The following SLC12A2 variants were observed in gnomAD, a reference collection of about 807,000 sequenced individuals.
SLC12A2 encodes the protein Na-K-2Cl cotransporter 1.
Under a neutral mutation model 136.3 loss-of-function variants are expected in SLC12A2, and 67 were observed. The observed-to-expected ratio is 0.49, with a 90% CI of 0.40 to 0.60. SLC12A2 has a LOEUF of 0.60. Ranked by LOEUF, SLC12A2 falls within the 20% of genes least tolerant of loss-of-function variation. SLC12A2 has a pLI of 0.00. For synonymous variants in SLC12A2, 619 were observed against 562.9 expected (o/e 1.10, Z -1.41); for missense variants, 1,322 against 1,534.7 (o/e 0.86, Z 2.32).
Position 128,161,687 on chromosome 5 carries a change from A to C in SLC12A2, c.2503A>C (p.Met835Leu), listed in dbSNP as rs1176724816. 1 of 1,471,032 alleles carries C rather than the reference A, an allele frequency of 6.8e-7. No homozygotes were observed. 91.1% of individuals were successfully genotyped at this position (1,471,032 alleles called of 1,614,324 possible). The change falls in exon 17 of 27, where the codon ATG becomes CTG. Residue 835 changes from methionine to leucine, a missense_variant. Around this residue, in one of 8 missense-constraint regions of SLC12A2, gnomAD observed 294 missense variants for 436.6 expected, o/e 0.67. Coordinates refer to ENST00000262461, the MANE Select transcript of SLC12A2 (RefSeq NM_001046.3). ...TCCTCGAAGACAAGCCATGAAAGAG[A>C]TGTCCATCGATCAAGCCAAATATCA... is the stretch of plus-strand genomic sequence containing the variant. ...MGPRRQAMKE[M>L]SIDQAKYQRW...
At chr5:128,140,570 G>A (rs747151781) in intron 9 of SLC12A2, among the ~76,000 whole-genome samples, 5 of 152,098 alleles carry the variant, frequency 3.3e-5, no homozygotes, top group Non-Finnish European at 7.4e-5. Flanking sequence ...TGGCCCTCAT[G>A]CTCATTTCAT....
At chr5:128,130,282 T>C (rs746458695) in intron 4 of SLC12A2, among the ~76,000 whole-genome samples, 4 of 151,792 alleles carry the variant, frequency 2.6e-5, no homozygotes, top group African/African-American at 4.8e-5. Context: ...TGTGTAATCC[T>C]AGCGCTTTGG....
chr5:128,186,431 A>G lies in SLC12A2; in HGVS notation c.3504-65A>G, dbSNP rs185207573. ...TGTAATCTACTTTATAATTTTTGCT[A>G]CATTTTATTCTGTAAATGCATTGCT... On this transcript the variant is annotated intron_variant, in intron 26 of 26. Transcript: ENST00000262461. 1.5e-5 allele frequency: 22 copies of G among 1,485,562 alleles called. No individual in the cohort carries two copies. The African/African-American group carries it at 2.6e-4, about 17-fold the overall frequency. The allele number at this position is 1,485,562 out of a possible 1,614,324, so 92.0% of individuals were successfully genotyped here.
Position 128,084,513 on chromosome 5 carries a change from T to G in SLC12A2, c.559T>G (p.Ser187Ala). 1 of 1,612,320 alleles carries G rather than the reference T, an allele frequency of 6.2e-7. No homozygotes were observed. The highest frequency in any genetic ancestry group is 8.5e-7 in the Non-Finnish European group (1 of 1,179,578). ...GCTGAGCGAGGGCAGCAGCCTGCAC[T>G]CCGGCGGCGGCGGCGGCAGTGGGCA... is the stretch of plus-strand genomic sequence containing the variant. ...TVLSEGSSLH[S>A]GGGGGSGHHQ... Residue 187 changes from serine to alanine, a missense_variant, in exon 1 of 27, where the codon TCC becomes GCC. Ser to Ala is a moderately conservative substitution (Grantham distance 99). Transcript: ENST00000262461. The surrounding 1 kb of genome is among the most constrained non-coding windows in gnomAD (Gnocchi z 5.6).
chr5:128,106,500 C>G (rs1760942272), intron 1 of SLC12A2, among the ~76,000 whole-genome samples: 1 of 151,984 alleles, frequency 6.6e-6, no homozygotes, highest in African/African-American at 2.4e-5. Context: ...ATTATGAACC[C>G]AATTTTATTA....
chr5:128,123,127 A>G (rs751082387), intron 4 of SLC12A2, among the ~76,000 whole-genome samples: 3 of 152,026 alleles, frequency 2.0e-5, no homozygotes, highest in African/African-American at 7.2e-5. Context: ...CTTGGTTCCA[A>G]AATTGTTTGC....
intron 1 of SLC12A2, among the ~76,000 whole-genome samples, chr5:128,085,845 G>A (rs1340608538): frequency 6.6e-6 from 1 of 152,198 alleles, no homozygotes; most frequent in Non-Finnish European, 1.5e-5. Flanking sequence ...TAATTACAGA[G>A]CTCTTACAGC....
intron 4 of SLC12A2, among the ~76,000 whole-genome samples, chr5:128,128,086 T>C (rs1761886286): frequency 6.6e-6 from 1 of 152,216 alleles, no homozygotes; most frequent in African/African-American, 2.4e-5. Flanking sequence ...TTGTGATTTA[T>C]TTAAAAGTGT....
chr5:128,094,753 C>T (rs895124318), intron 1 of SLC12A2, among the ~76,000 whole-genome samples: 1 of 151,954 alleles, frequency 6.6e-6, no homozygotes, highest in African/African-American at 2.4e-5. Context: ...CCATATCTTC[C>T]AAAAGTATGA....
chr5:128,083,821 C>A lies in SLC12A2; in HGVS notation c.-134C>A. On this transcript the variant is annotated 5_prime_UTR_variant, in exon 1 of 27. Coordinates refer to ENST00000262461, the MANE Select transcript of SLC12A2 (RefSeq NM_001046.3). ...CCTCTGTGGCCGTCCAGGCTAGCGG[C>A]GGCCCGCAGGCGGCGGGGAGAAAGA... The A allele has an allele frequency of 1.5e-6, 1 of 665,036 alleles. No homozygotes were observed. 41.2% of individuals were successfully genotyped at this position (665,036 alleles called of 1,614,324 possible). A position where few individuals can be genotyped will look rare whatever the true frequency, so the allele number is the denominator to read the frequency against.
intron 24 of SLC12A2, 32 bp downstream of exon 24, chr5:128,182,973 A>G (rs776722650): frequency 1.5e-6 from 2 of 1,337,610 alleles, no homozygotes; most frequent in South Asian, 2.5e-5. Flanking sequence ...TGATCCCTTT[A>G]TAGATGGCCT....
rs543092142 is a variant in SLC12A2, at chr5:128,157,927, G to A, written c.2364-126G>A. On this transcript the variant is annotated intron_variant, in intron 15 of 26. Coordinates refer to ENST00000262461, the MANE Select transcript of SLC12A2 (RefSeq NM_001046.3). The stretch of plus-strand genomic sequence containing the variant: ...AGTCCTGGTTAAAAATAGTCTTTTT[G>A]AGAATCCTGTGGCCTGTGTCTTAAG... 15 of 670,796 alleles carry A rather than the reference G, an allele frequency of 2.2e-5. No individual in the cohort carries two copies. The East Asian group carries it at 4.4e-4, about 20-fold the overall frequency. 41.6% of individuals were successfully genotyped at this position (670,796 alleles called of 1,614,324 possible). A position where few individuals can be genotyped will look rare whatever the true frequency, so the allele number is the denominator to read the frequency against.
Position 128,182,568 on chromosome 5 carries a change from A to T in SLC12A2, c.3213-287A>T, listed in dbSNP as rs779136265. ...AATATAGTTTGACTAAAATTAACTT[A>T]AGAAACATTAGCTTCCATTTAAATT... is the stretch of plus-strand genomic sequence containing the variant. On this transcript the variant is annotated intron_variant, in intron 23 of 26. Transcript: ENST00000262461. Among the ~76,000 whole-genome samples the T allele has an allele frequency of 7.6e-4, 115 of 152,120 alleles. 2 individuals are homozygous for T. The highest frequency in any genetic ancestry group is 1.2e-3 in the Non-Finnish European group (82 of 67,966).
intron 2 of SLC12A2, 58 bp from the exon 3 acceptor site, chr5:128,114,154 T>C: frequency 8.2e-7 from 1 of 1,225,022 alleles, no homozygotes; most frequent in Non-Finnish European, 1.2e-6. Context: ...TAATGCTTAC[T>C]ATATAATGTT....
chr5:128,181,126 AT>A (rs1763691981), intron 23 of SLC12A2, 132 bp downstream of exon 23: 1 of 639,234 alleles, frequency 1.6e-6, no homozygotes, highest in African/African-American at 1.9e-5. Context: ...GAAGTTAAAA[AT>A]TTTAAATATA....
chr5:128,123,813 T>A (rs1479806716), intron 4 of SLC12A2, among the ~76,000 whole-genome samples: 1 of 152,228 alleles, frequency 6.6e-6, no homozygotes, highest in East Asian at 1.9e-4. Flanking sequence ...CATCACTTTT[T>A]CCTTTTTGGA....
At position 128,125,770 on chromosome 5, in the gene SLC12A2, T is replaced by G. The variant is rs535053111; in HGVS notation, c.1049-5297T>G. ...TCTCCTATATTTTCTTCTAGAAGCT[T>G]TATAGTTTCAGTTTTTAGATTTTTA... On this transcript the variant is annotated intron_variant, in intron 4 of 26. Transcript: ENST00000262461. Among the ~76,000 whole-genome samples, 5 of 152,272 alleles carry G rather than the reference T, an allele frequency of 3.3e-5. No homozygotes were observed. The East Asian group carries it at 9.7e-4, about 29-fold the overall frequency.
intron 1 of SLC12A2, among the ~76,000 whole-genome samples, chr5:128,092,478 G>A (rs2126641785): frequency 6.6e-6 from 1 of 152,276 alleles, no homozygotes; most frequent in South Asian, 2.1e-4. Context: ...ACCATTTAAG[G>A]TCTTTATCAG....
intron 4 of SLC12A2, among the ~76,000 whole-genome samples, chr5:128,130,165 C>T (rs554497032): frequency 6.6e-6 from 1 of 152,050 alleles, no homozygotes; most frequent in South Asian, 2.1e-4. Flanking sequence ...GATTCCAGCA[C>T]TTTTGGGAGG....
Sources: allele counts gnomAD v4.1 joint callset (sites outside exome capture counted in the v4.1 genomes callset), GRCh38; gene constraint gnomAD v4.1.1; regional missense constraint gnomAD v4.1.1; non-coding constraint Gnocchi (gnomAD v3.1); transcripts MANE v1.5; gene names NCBI Gene and HGNC (gene_info 2026-07-23, HGNC 2026-07-21).